Variants in OPRM1 observed in about 807,000 individuals in gnomAD.
OPRM1 encodes the protein opioid receptor mu 1, also known as mu-type opioid receptor.
In OPRM1, 27 loss-of-function variants were observed where a neutral mutation model predicts 31.8. The observed-to-expected ratio is 0.85, with a 90% confidence interval of 0.63 to 1.17. The LOEUF (loss-of-function observed/expected upper bound fraction) is 1.17. Ranked by LOEUF, OPRM1 falls within the 50% of genes most tolerant of loss-of-function variation. OPRM1 has a pLI of 0.00. For synonymous variants in OPRM1, 196 were observed against 189.9 expected (o/e 1.03, Z -0.26); for missense variants, 536 against 511.1 (o/e 1.05, Z -0.47).
intron 1 of OPRM1, among the ~76,000 whole-genome samples, chr6:154,065,201 G>A (rs1047274373): frequency 6.7e-6 from 1 of 150,088 alleles, no homozygotes; most frequent in African/African-American, 2.5e-5. Flanking sequence ...CCACACTGGG[G>A]TACAGTGGCA....
chr6:154,213,731 C>A (rs2128607225), intron 3 of OPRM1, among the ~76,000 whole-genome samples: 1 of 152,248 alleles, frequency 6.6e-6, no homozygotes, highest in East Asian at 1.9e-4. Context: ...AGCTTTTGAA[C>A]CCTGAAAGCT....
chr6:154,149,626 G>A (rs753550756), intron 3 of OPRM1, among the ~76,000 whole-genome samples: 10 of 149,884 alleles, frequency 6.7e-5, no homozygotes, highest in Admixed American at 1.3e-4. Context: ...GTGTGCGCGC[G>A]TGTGTGTGTA....
chr6:154,028,216 G>A (rs1208424973), intron 1 of OPRM1, among the ~76,000 whole-genome samples: 2 of 152,140 alleles, frequency 1.3e-5, no homozygotes, highest in African/African-American at 4.8e-5. Context: ...CCAGGACTGG[G>A]TTCTTCCCTT....
Position 154,139,265 on chromosome 6 carries a change from T to G in OPRM1, c.1164+47793T>G, listed in dbSNP as rs548425112. ...AGGCAGGCCTCCTGGAATGGATGAT[T>G]CCTGACTTGTGTCGCTGGTATCAGA... is the stretch of plus-strand genomic sequence containing the variant. On this transcript the variant is annotated intron_variant, in intron 3 of 3. Coordinates refer to the OPRM1 transcript ENST00000337049. Among the ~76,000 whole-genome samples the G allele has an allele frequency of 5.3e-5, 8 of 152,308 alleles. No individual in the cohort carries two copies. The South Asian group carries it at 1.7e-3, about 32-fold the overall frequency.
At chr6:154,066,726 A>C (rs899188764) in intron 1 of OPRM1, among the ~76,000 whole-genome samples, 14 of 152,176 alleles carry the variant, frequency 9.2e-5, no homozygotes, top group Non-Finnish European at 1.9e-4. Flanking sequence ...ACAGGAGGAC[A>C]CAGTGAGAAG....
intron 1 of OPRM1, among the ~76,000 whole-genome samples, chr6:154,088,097 A>C (rs1791085263): frequency 6.6e-6 from 1 of 152,098 alleles, no homozygotes; most frequent in African/African-American, 2.4e-5. Context: ...TAAAAAAAAA[A>C]ACAGATGAAT....
At chr6:154,228,391 C>T (rs944418656) in intron 3 of OPRM1, among the ~76,000 whole-genome samples, 7 of 152,194 alleles carry the variant, frequency 4.6e-5, no homozygotes, top group Admixed American at 1.3e-4. Flanking sequence ...AACTTGTTCT[C>T]CTGCCAGAGG....
At chr6:154,102,138 C>T (rs1794924374) in intron 3 of OPRM1, among the ~76,000 whole-genome samples, 1 of 151,996 alleles carries the variant, frequency 6.6e-6, no homozygotes, top group African/African-American at 2.4e-5. Flanking sequence ...CAGGGTTTTG[C>T]CGTGTTGCGA....
chr6:154,078,058 A>T (rs1439683402), intron 1 of OPRM1, among the ~76,000 whole-genome samples: 1 of 152,228 alleles, frequency 6.6e-6, no homozygotes, highest in East Asian at 1.9e-4. Context: ...GATTTCCTTA[A>T]CCCTAGCTCT....
At chr6:154,106,340 T>C (rs553774628) in intron 3 of OPRM1, among the ~76,000 whole-genome samples, 1 of 152,358 alleles carries the variant, frequency 6.6e-6, no homozygotes, top group African/African-American at 2.4e-5. Flanking sequence ...GAGATTTTAG[T>C]TGTGTGCTAG....
At chr6:154,152,389 A>AAAGAAAGG in intron 3 of OPRM1, among the ~76,000 whole-genome samples, 1 of 151,218 alleles carries the variant, frequency 6.6e-6, no homozygotes, top group Admixed American at 6.6e-5. Context: ...AGAAAGAAAG[A>AAAGAAAGG]AAGAGAAATA....
In OPRM1 at chr6:154,119,572, A is replaced by G. The variant is rs17181359; in HGVS notation, c.*851A>G. The G allele has an allele frequency of 3.9e-4, 153 of 388,760 alleles. No individual in the cohort carries two copies. The highest frequency in any genetic ancestry group is 2.6e-3 in the Middle Eastern group (2 of 782). The allele number at this position is 388,760 out of a possible 1,614,324, so 24.1% of individuals were successfully genotyped here. ...AGTCAAGCATTAAAATGTACTCTTT[A>G]TTTCTCACTGGTTTCTCCATACTGC... is the stretch of plus-strand genomic sequence containing the variant. On this transcript the variant is annotated 3_prime_UTR_variant, in exon 4 of 4. Transcript: ENST00000330432.
At chr6:154,096,609 A>C (rs548687713) in intron 3 of OPRM1, among the ~76,000 whole-genome samples, 1 of 152,194 alleles carries the variant, frequency 6.6e-6, no homozygotes, top group South Asian at 2.1e-4. Context: ...CAGATTCAAA[A>C]GTGCTTTTAT....
At chr6:154,153,730 A>G (rs1311380024) in intron 3 of OPRM1, among the ~76,000 whole-genome samples, 3 of 151,470 alleles carry the variant, frequency 2.0e-5, no homozygotes, top group Non-Finnish European at 4.4e-5. Context: ...GAGAGAAGGA[A>G]GGCACCAGGT....
intron 1 of OPRM1, among the ~76,000 whole-genome samples, chr6:154,055,220 T>C (rs1783005697): frequency 5.9e-5 from 9 of 152,074 alleles, no homozygotes. Context: ...AAACCTCATC[T>C]CTACTAAAAA....
chr6:154,098,871 A>G, intron 3 of OPRM1, among the ~76,000 whole-genome samples: 1 of 152,194 alleles, frequency 6.6e-6, no homozygotes. Flanking sequence ...CTGGAAATCA[A>G]GAATCCAAAG....
exon 1 of OPRM1, chr6:154,010,625 C>T: frequency 6.6e-7 from 1 of 1,505,678 alleles, no homozygotes; most frequent in Non-Finnish European, 8.9e-7. Context: ...TATTGTATGC[C>T]TGCACTAAGT....
In OPRM1 at chr6:154,163,453, A is replaced by T. The variant is rs181945907; in HGVS notation, c.1164+71981A>T. Among the ~76,000 whole-genome samples, 18 of 152,230 alleles carry T rather than the reference A, an allele frequency of 1.2e-4. 1 individual carries two copies. The East Asian group carries it at 3.3e-3, about 28-fold the overall frequency. Reference sequence around the variant, plus strand: ...CCTAATTAAATATCAATTCCTCAACATGTTCTATCCCCTTTTCTATTCTTT... The same window carrying T: ...CCTAATTAAATATCAATTCCTCAACTTGTTCTATCCCCTTTTCTATTCTTT... On this transcript the variant is annotated intron_variant, in intron 3 of 3. Transcript: ENST00000337049.
intron 1 of OPRM1, among the ~76,000 whole-genome samples, chr6:154,084,067 A>G (rs912669176): frequency 2.6e-5 from 4 of 151,804 alleles, no homozygotes; most frequent in African/African-American, 7.3e-5. Flanking sequence ...AATTTCATAC[A>G]GGCCTCTCCC....
Sources: gnomAD v4.1 joint callset for allele counts (sites outside exome capture counted in the v4.1 genomes callset) on GRCh38, gnomAD v4.1.1 for gene constraint, MANE v1.5 for transcripts, NCBI Gene and HGNC (gene_info 2026-07-23, HGNC 2026-07-21) for gene names.